Variants in SEMA5A observed in about 807,000 individuals in gnomAD.
SEMA5A encodes the protein semaphorin-5A.
SEMA5A carries 55 observed loss-of-function variants against 135.5 expected under a neutral mutation model. That is an observed-to-expected ratio of 0.41 (90% CI 0.33 to 0.51). The LOEUF (loss-of-function observed/expected upper bound fraction) is 0.51. Among genes scored for constraint, SEMA5A ranks in the 20% least tolerant of loss-of-function variants. SEMA5A has a pLI of 0.37. For missense variants in SEMA5A, 1,290 were observed against 1,419.9 expected (o/e 0.91, Z 1.47); for synonymous variants, 580 against 546.5 (o/e 1.06, Z -0.85).
intron 11 of SEMA5A, among the ~76,000 whole-genome samples, chr5:9,160,721 G>A (rs974160799): frequency 6.6e-6 from 1 of 152,158 alleles, no homozygotes; most frequent in African/African-American, 2.4e-5. Flanking sequence ...ATAAAATGCA[G>A]AGGTAAAACT....
chr5:9,406,492 T>C (rs1756893110), intron 2 of SEMA5A, among the ~76,000 whole-genome samples: 1 of 152,250 alleles, frequency 6.6e-6, no homozygotes, highest in Non-Finnish European at 1.5e-5. Flanking sequence ...ACACTGATTT[T>C]ATCTTTAATA....
At chr5:9,226,375 G>A (rs958281195) in intron 7 of SEMA5A, among the ~76,000 whole-genome samples, 1 of 152,212 alleles carries the variant, frequency 6.6e-6, no homozygotes, top group Non-Finnish European at 1.5e-5. Flanking sequence ...AGACAAGAAA[G>A]AGGATCAGTT....
intron 2 of SEMA5A, among the ~76,000 whole-genome samples, chr5:9,434,459 C>G (rs981200929): frequency 6.6e-6 from 1 of 151,912 alleles, no homozygotes; most frequent in Non-Finnish European, 1.5e-5. Flanking sequence ...AATAATAATA[C>G]TCCTGAAAAT....
intron 2 of SEMA5A, among the ~76,000 whole-genome samples, chr5:9,437,087 G>T (rs1169502641): frequency 5.3e-5 from 8 of 152,184 alleles, no homozygotes; most frequent in African/African-American, 1.9e-4. Flanking sequence ...ACTGCAGAAG[G>T]TCCCAGGACA....
intron 2 of SEMA5A, among the ~76,000 whole-genome samples, chr5:9,386,614 T>A (rs1286002800): frequency 2.0e-5 from 3 of 152,198 alleles, no homozygotes; most frequent in African/African-American, 7.2e-5. Context: ...CCATGGTGGC[T>A]GACACCAGCC....
At chr5:9,345,281 C>A (rs778135000) in intron 3 of SEMA5A, among the ~76,000 whole-genome samples, 1 of 152,096 alleles carries the variant, frequency 6.6e-6, no homozygotes, top group Non-Finnish European at 1.5e-5. Flanking sequence ...TCTATATTAT[C>A]CTTCAACAAT....
At chr5:9,179,320 A>G (rs1009251338) in intron 11 of SEMA5A, among the ~76,000 whole-genome samples, 55 of 152,176 alleles carry the variant, frequency 3.6e-4, no homozygotes, top group Admixed American at 3.5e-3. Context: ...TTTACTACTG[A>G]GGGCAACTTC....
chr5:9,101,406 A>C lies in SEMA5A; in HGVS notation c.2073+6734T>G, dbSNP rs139594402. ...AGTTGGTTACACTAACAACAATACT[A>C]CTTCATTGGATTATTGGGAGGAATT... On this transcript the variant is annotated intron_variant, in intron 16 of 22. Transcript: ENST00000382496. Among the ~76,000 whole-genome samples, 485 of 152,192 alleles carry C rather than the reference A, an allele frequency of 3.2e-3. 2 individuals are homozygous for C. Among genetic ancestry groups the C allele is most frequent in the African/African-American group, 0.011 (471 of 41,530 alleles).
intron 1 of SEMA5A, among the ~76,000 whole-genome samples, chr5:9,477,728 CAT>C (rs764549014): frequency 6.6e-6 from 1 of 152,084 alleles, no homozygotes; most frequent in Non-Finnish European, 1.5e-5. Flanking sequence ...AGCATATAGT[CAT>C]ATGTGTTCAC....
chr5:9,090,735 G>T (rs1010072055), intron 16 of SEMA5A, among the ~76,000 whole-genome samples: 9 of 152,148 alleles, frequency 5.9e-5, no homozygotes, highest in Admixed American at 1.3e-4. Context: ...CCTGCAACCG[G>T]GGAGTTTGGA....
At chr5:9,270,753 C>T (rs1159578218) in intron 5 of SEMA5A, among the ~76,000 whole-genome samples, 1 of 151,664 alleles carries the variant, frequency 6.6e-6, no homozygotes, top group South Asian at 2.1e-4. Flanking sequence ...AGGAGCTTTG[C>T]TTTACCTGGA....
intron 1 of SEMA5A, among the ~76,000 whole-genome samples, chr5:9,540,162 G>C (rs557994883): frequency 6.6e-6 from 1 of 152,136 alleles, no homozygotes; most frequent in African/African-American, 2.4e-5. Flanking sequence ...AGCCTCCTGC[G>C]TGCCAGGCAC....
chr5:9,474,648 T>C (rs1268692035), intron 1 of SEMA5A, among the ~76,000 whole-genome samples: 1 of 152,238 alleles, frequency 6.6e-6, no homozygotes, highest in East Asian at 1.9e-4. Context: ...AATGTGCCCG[T>C]GATTGCAGAA....
At chr5:9,237,176 G>A (rs1747955655) in intron 6 of SEMA5A, among the ~76,000 whole-genome samples, 1 of 152,144 alleles carries the variant, frequency 6.6e-6, no homozygotes, top group South Asian at 2.1e-4. Context: ...TTCACAAGCT[G>A]CAGAAGAATT....
chr5:9,302,422 C>T lies in SEMA5A; in HGVS notation c.270+15950G>A, dbSNP rs189888459. Among the ~76,000 whole-genome samples, 69 of 152,262 alleles carry T rather than the reference C, an allele frequency of 4.5e-4. No homozygotes were observed. In the East Asian group the frequency reaches 0.011, roughly 23 times the overall value. ...CTCAGCTGTCTGCTAAATACAATGACGTCATTACAGAACTGAGCCATCACA... is the reference window on the plus strand; with the variant it reads ...CTCAGCTGTCTGCTAAATACAATGATGTCATTACAGAACTGAGCCATCACA... On this transcript the variant is annotated intron_variant, in intron 5 of 22. Coordinates refer to ENST00000382496, the MANE Select transcript of SEMA5A (RefSeq NM_003966.3).
At chr5:9,145,802 C>CTTT (rs397935817) in intron 12 of SEMA5A, among the ~76,000 whole-genome samples, 6 of 138,882 alleles carry the variant, frequency 4.3e-5, no homozygotes, top group African/African-American at 1.1e-4. Flanking sequence ...CCACATCCAG[C>CTTT]TTTTTTTTTT....
At chr5:9,414,788 A>G (rs1245848186) in intron 2 of SEMA5A, among the ~76,000 whole-genome samples, 1 of 152,104 alleles carries the variant, frequency 6.6e-6, no homozygotes, top group African/African-American at 2.4e-5. Flanking sequence ...CAGCTTCATG[A>G]CTCTACCCTG....
At chr5:9,285,382 G>T (rs575280406) in intron 5 of SEMA5A, among the ~76,000 whole-genome samples, 1 of 152,080 alleles carries the variant, frequency 6.6e-6, no homozygotes, top group Non-Finnish European at 1.5e-5. Context: ...CCGTGAACCC[G>T]CCAAGACAGT....
At chr5:9,472,199 T>C (rs1759500868) in intron 1 of SEMA5A, among the ~76,000 whole-genome samples, 1 of 152,178 alleles carries the variant, frequency 6.6e-6, no homozygotes, top group Admixed American at 6.5e-5. Context: ...GCATGCATCC[T>C]CTGGGAAATA....
Sources: gnomAD v4.1 joint callset for allele counts (sites outside exome capture counted in the v4.1 genomes callset) on GRCh38, gnomAD v4.1.1 for gene constraint, MANE v1.5 for transcripts, NCBI Gene and HGNC (gene_info 2026-07-23, HGNC 2026-07-21) for gene names.